USP36: variants seen among roughly 807,000 people sequenced by gnomAD.
USP36 encodes ubiquitin specific peptidase 36, also known as ubiquitin carboxyl-terminal hydrolase 36.
In USP36, 59 loss-of-function variants were observed where a neutral mutation model predicts 111.5. That is an observed-to-expected ratio of 0.53 (90% CI 0.43 to 0.66). USP36 has a LOEUF of 0.66. Ranked by LOEUF, USP36 falls within the 30% of genes least tolerant of loss-of-function variation. The probability of loss-of-function intolerance (pLI) is 0.00; values close to 1 mark genes in which losing one functional copy is unlikely to be tolerated. For synonymous variants in USP36, 628 were observed against 581.0 expected (o/e 1.08, Z -1.16); for missense variants, 1,488 against 1,468.0 (o/e 1.01, Z -0.22).
intron 1 of USP36, 57 bp from the exon 2 acceptor site, chr17:78,838,807 C>G (rs1342864143): frequency 6.6e-6 from 1 of 152,290 alleles, no homozygotes; most frequent in East Asian, 1.9e-4. Context: ...GCCTTCTCTT[C>G]AGCTACTTCC....
At chr17:78,812,838 C>T in intron 13 of USP36, 22 bp downstream of exon 13, 1 of 1,611,826 alleles carries the variant, frequency 6.2e-7, no homozygotes. Context: ...GCCACTTTGG[C>T]CTCCATCATT....
Position 78,828,831 on chromosome 17 carries a change from C to A in USP36, c.586+66G>T, listed in dbSNP as rs189810277. 3 of 1,486,904 alleles carry A rather than the reference C, an allele frequency of 2.0e-6. No homozygotes were observed. In the South Asian group the frequency reaches 3.6e-5, roughly 18 times the overall value. The allele number at this position is 1,486,904 out of a possible 1,614,324, so 92.1% of individuals were successfully genotyped here. A position where few individuals can be genotyped will look rare whatever the true frequency, so the allele number is the denominator to read the frequency against. On this transcript the variant is annotated intron_variant, in intron 5 of 20. Coordinates refer to ENST00000449938, the MANE Select transcript of USP36 (RefSeq NM_001385174.1). ...ACCAGCCTGGGCAACATAGCGAGAA[C>A]CCCATCTCTACAAAAAATTAAAAAA...
intron 11 of USP36, 98 bp from the exon 12 acceptor site, chr17:78,813,971 C>T: frequency 1.0e-6 from 1 of 956,738 alleles, no homozygotes; most frequent in Non-Finnish European, 1.6e-6. Context: ...TTAGTTGCTA[C>T]ATTTCCAAAC....
intron 5 of USP36, 48 bp downstream of exon 5, chr17:78,828,849 T>C (rs201003428): frequency 1.3e-6 from 2 of 1,584,158 alleles, no homozygotes. Flanking sequence ...CTACAAAAAA[T>C]TAAAAAATAA....
chr17:78,793,747 G>C (rs78335284), downstream of USP36, among the ~76,000 whole-genome samples: 1 of 152,090 alleles, frequency 6.6e-6, no homozygotes, highest in Non-Finnish European at 1.5e-5. Context: ...TGCCCTTAAG[G>C]TCACTATTAC....
downstream of USP36, among the ~76,000 whole-genome samples, chr17:78,792,859 C>T (rs1488667224): frequency 6.6e-6 from 1 of 152,168 alleles, no homozygotes; most frequent in East Asian, 1.9e-4. Flanking sequence ...GTTGGGATTA[C>T]AGGCACAGGC....
At chr17:78,835,616 C>G in intron 3 of USP36, 115 bp from the exon 4 acceptor site, 1 of 1,042,018 alleles carries the variant, frequency 9.6e-7, no homozygotes, top group South Asian at 1.6e-5. Flanking sequence ...CGGAACATGG[C>G]ACCAGAGAAG....
At chr17:78,812,272 G>C (rs1188518386) in intron 13 of USP36, among the ~76,000 whole-genome samples, 2 of 152,208 alleles carry the variant, frequency 1.3e-5, no homozygotes, top group African/African-American at 4.8e-5. Flanking sequence ...CACGACACCT[G>C]TAAGTGGTGC....
intron 4 of USP36, among the ~76,000 whole-genome samples, chr17:78,831,528 G>A (rs909117186): frequency 5.9e-5 from 9 of 152,052 alleles, no homozygotes; most frequent in Admixed American, 6.6e-5. Flanking sequence ...GAAGAGAATC[G>A]CTTGAACCTG....
Position 78,814,569 on chromosome 17 carries a change from G to A in USP36, c.1024-17C>T, listed in dbSNP as rs747270679. 3 of 1,606,048 alleles carry A rather than the reference G, an allele frequency of 1.9e-6. No homozygotes were observed. The highest frequency in any genetic ancestry group is 4.5e-5 in the East Asian group (2 of 44,766). On this transcript the variant is annotated splice_polypyrimidine_tract_variant and intron_variant, in intron 10 of 20. Coordinates refer to ENST00000449938, the MANE Select transcript of USP36 (RefSeq NM_001385174.1). ...GCCTACATCCTGTTTGAAAAATCAA[G>A]GAAAAGACAAATAAAATTCACTTTG...
intron 17 of USP36, among the ~76,000 whole-genome samples, chr17:78,801,669 G>A (rs551631499): frequency 2.0e-5 from 3 of 152,260 alleles, no homozygotes; most frequent in South Asian, 2.1e-4. Flanking sequence ...CAAGCAAACC[G>A]TGCTATGTTC....
chr17:78,822,064 C>T (rs956134732), intron 6 of USP36, 60 bp from the exon 7 acceptor site: 7 of 1,581,278 alleles, frequency 4.4e-6, no homozygotes, highest in Non-Finnish European at 6.1e-6. Context: ...GAGGGATGGC[C>T]CCATCCCAGC....
intron 15 of USP36, among the ~76,000 whole-genome samples, chr17:78,805,286 T>C (rs1053393632): frequency 6.6e-6 from 1 of 152,196 alleles, no homozygotes; most frequent in African/African-American, 2.4e-5. Flanking sequence ...AAAAAGCTTA[T>C]AAGGCAAGAA....
intron 3 of USP36, 40 bp downstream of exon 3, chr17:78,836,071 G>A (rs199596573): frequency 1.6e-5 from 25 of 1,601,698 alleles, no homozygotes; most frequent in Admixed American, 5.1e-5. Context: ...TCGTCACCCC[G>A]GAGTGAGGGC....
rs993804950 is a variant in USP36 at position 78,806,419 on chromosome 17, A to G, written c.2086-133T>C. On this transcript the variant is annotated intron_variant, in intron 14 of 20. Transcript: ENST00000449938. ...GAAAAAAAGATGAGGAGACAGAAGA[A>G]GACAAAAAGGGGAGGTGAGGGGCAG... 2.4e-5 allele frequency: 30 copies of G among 1,228,998 alleles called. No homozygotes were observed. In the African/African-American group the frequency reaches 4.0e-4, roughly 16 times the overall value. The allele number at this position is 1,228,998 out of a possible 1,614,324, so 76.1% of individuals were successfully genotyped here.
At position 78,807,607 on chromosome 17, in the gene USP36, C is replaced by T. The variant is rs774163158; in HGVS notation, c.1437G>A (p.Pro479=). 28 of 1,543,328 alleles carry T rather than the reference C, an allele frequency of 1.8e-5. No homozygotes were observed. The East Asian group carries it at 2.7e-4, about 15-fold the overall frequency. The change falls in exon 14 of 21, where the codon CCG becomes CCA. Residue 479 remains proline (P), a synonymous_variant. Transcript: ENST00000449938. Reference sequence around the variant, plus strand: ...GCACACCAATCTCTTCAGTGGTGTGCGGCTTCTTCATCGTCCCAGAGTCTT... The same window carrying T: ...GCACACCAATCTCTTCAGTGGTGTGTGGCTTCTTCATCGTCCCAGAGTCTT... ...KRQDSGTMKK[P]HTTEEIGVPI...
intron 15 of USP36, among the ~76,000 whole-genome samples, chr17:78,804,907 G>A (rs984096852): frequency 6.6e-6 from 1 of 152,116 alleles, no homozygotes; most frequent in Non-Finnish European, 1.5e-5. Context: ...GGGTGTTCCC[G>A]GGCAGGAAAT....
chr17:78,825,734 A>T (rs1207148733), intron 6 of USP36, among the ~76,000 whole-genome samples: 1 of 151,708 alleles, frequency 6.6e-6, no homozygotes, highest in African/African-American at 2.4e-5. Context: ...TTTCTGTCCT[A>T]AGAGCGCTCC....
chr17:78,813,023 T>C (rs2094104265), intron 12 of USP36, 22 bp from the exon 13 acceptor site: 1 of 1,613,304 alleles, frequency 6.2e-7, no homozygotes, highest in Non-Finnish European at 8.5e-7. Flanking sequence ...AGAAAACAAG[T>C]AGGGAATTCT....
Sources: gnomAD v4.1 joint callset for allele counts (sites outside exome capture counted in the v4.1 genomes callset) on GRCh38, gnomAD v4.1.1 for gene constraint, MANE v1.5 for transcripts, NCBI Gene and HGNC (gene_info 2026-07-23, HGNC 2026-07-21) for gene names.